The following SNTG2 variants were observed in gnomAD, a reference collection of about 807,000 sequenced individuals.
The protein encoded by SNTG2 is syntrophin gamma 2.
SNTG2 carries 74 observed loss-of-function variants against 70.9 expected under a neutral mutation model. The ratio of observed to expected loss-of-function variants is 1.04; its 90% CI spans 0.86 to 1.27. The LOEUF (loss-of-function observed/expected upper bound fraction) is 1.27. Ranked by LOEUF, SNTG2 falls within the 50% of genes most tolerant of loss-of-function variation. SNTG2 has a pLI of 0.00. For missense variants in SNTG2, 717 were observed against 690.7 expected (o/e 1.04, Z -0.43); for synonymous variants, 278 against 273.8 (o/e 1.02, Z -0.15).
At chr2:1,075,782 T>A (rs1230117170) in intron 1 of SNTG2, among the ~76,000 whole-genome samples, 1 of 152,232 alleles carries the variant, frequency 6.6e-6, no homozygotes, top group African/African-American at 2.4e-5. Context: ...AAAAAATGGT[T>A]TCATTTGTAC....
At chr2:1,191,693 G>A (rs1262361383) in intron 8 of SNTG2, among the ~76,000 whole-genome samples, 1 of 152,132 alleles carries the variant, frequency 6.6e-6, no homozygotes, top group East Asian at 1.9e-4. Flanking sequence ...TACTTGGGAG[G>A]CTGAGGCAGG....
At chr2:953,036 T>C (rs1057165973) in intron 1 of SNTG2, among the ~76,000 whole-genome samples, 6 of 152,268 alleles carry the variant, frequency 3.9e-5, no homozygotes, top group African/African-American at 9.6e-5. Context: ...TTTCTAGTTA[T>C]ATTTTTTCTA....
chr2:1,200,769 C>T (rs1329858780), intron 8 of SNTG2, among the ~76,000 whole-genome samples: 1 of 151,374 alleles, frequency 6.6e-6, no homozygotes, highest in Non-Finnish European at 1.5e-5. Flanking sequence ...AACAAATGGC[C>T]AACGAACAGA....
intron 9 of SNTG2, among the ~76,000 whole-genome samples, chr2:1,214,945 G>A (rs1178397231): frequency 6.6e-6 from 1 of 152,124 alleles, no homozygotes; most frequent in Non-Finnish European, 1.5e-5. Flanking sequence ...GATGATGAAA[G>A]GATAATGAAT....
intron 16 of SNTG2, among the ~76,000 whole-genome samples, chr2:1,348,631 A>T (rs1660422583): frequency 6.6e-6 from 1 of 152,166 alleles, no homozygotes; most frequent in African/African-American, 2.4e-5. Flanking sequence ...TATTTCTTAA[A>T]TGTATTTGAT....
chr2:1,151,755 C>T (rs755333861), intron 6 of SNTG2, among the ~76,000 whole-genome samples: 2 of 152,288 alleles, frequency 1.3e-5, no homozygotes, highest in African/African-American at 2.4e-5. Flanking sequence ...AACCTGGTGA[C>T]GATGCAGATG....
intron 7 of SNTG2, among the ~76,000 whole-genome samples, chr2:1,171,110 A>G (rs1336748769): frequency 6.6e-6 from 1 of 152,210 alleles, no homozygotes; most frequent in Non-Finnish European, 1.5e-5. Flanking sequence ...AAATAAACTA[A>G]GTCTATTTTT....
chr2:1,172,388 G>A (rs1336114067), intron 7 of SNTG2, among the ~76,000 whole-genome samples: 1 of 152,164 alleles, frequency 6.6e-6, no homozygotes, highest in Admixed American at 6.5e-5. Context: ...AAAACACTAA[G>A]CCACATGGGA....
At chr2:1,151,691 T>C (rs1196047151) in intron 6 of SNTG2, among the ~76,000 whole-genome samples, 4 of 152,222 alleles carry the variant, frequency 2.6e-5, no homozygotes, top group Non-Finnish European at 4.4e-5. Context: ...CTGGATTTGC[T>C]GCGCGCCCTT....
chr2:1,114,619 C>A (rs999083821), intron 4 of SNTG2, among the ~76,000 whole-genome samples: 3 of 151,302 alleles, frequency 2.0e-5, no homozygotes, highest in Non-Finnish European at 4.4e-5. Flanking sequence ...TGAGGTTTAA[C>A]CCTTACAGTC....
chr2:1,287,358 C>A (rs1679806109), intron 14 of SNTG2, among the ~76,000 whole-genome samples: 3 of 152,214 alleles, frequency 2.0e-5, no homozygotes, highest in Admixed American at 1.3e-4. Flanking sequence ...TCTGAGCCAA[C>A]CTCGAGTGAA....
intron 4 of SNTG2, among the ~76,000 whole-genome samples, chr2:1,113,195 A>G (rs370712176): frequency 0.029 from 1,488 of 51,032 alleles, 16 homozygotes; most frequent in African/African-American, 0.041. Context: ...GTCCTTTGAG[A>G]AGGATCGTGT....
At chr2:1,148,048 G>A (rs1669214503) in intron 6 of SNTG2, among the ~76,000 whole-genome samples, 1 of 152,194 alleles carries the variant, frequency 6.6e-6, no homozygotes, top group Non-Finnish European at 1.5e-5. Flanking sequence ...GAATGAGCTG[G>A]TGGTTGCATT....
intron 16 of SNTG2, among the ~76,000 whole-genome samples, chr2:1,360,851 G>C (rs1477494874): frequency 6.6e-6 from 1 of 152,172 alleles, no homozygotes; most frequent in Non-Finnish European, 1.5e-5. Context: ...GTGTCTGCTT[G>C]GCCTACCATT....
In SNTG2 at chr2:1,287,917, C is replaced by T. The variant is rs570967431; in HGVS notation, c.1284+20346C>T. Among the ~76,000 whole-genome samples the T allele has an allele frequency of 1.4e-4, 21 of 152,338 alleles. No individual in the cohort carries two copies. In the South Asian group the frequency reaches 1.4e-3, roughly 11 times the overall value. ...GACCCGAGAATGACCACCTCACTCACGCATTCCACACAGCATCGTGATGGA... is the reference window on the plus strand; with the variant it reads ...GACCCGAGAATGACCACCTCACTCATGCATTCCACACAGCATCGTGATGGA... On this transcript the variant is annotated intron_variant, in intron 14 of 16. Coordinates refer to ENST00000308624, the MANE Select transcript of SNTG2 (RefSeq NM_018968.4).
Position 1,197,368 on chromosome 2 carries a change from G to A in SNTG2, c.592-11735G>A, listed in dbSNP as rs562364317. On this transcript the variant is annotated intron_variant, in intron 8 of 16. Transcript: ENST00000308624. ...GACTTTAAGTCAAAAACAAAAAAAA[G>A]ACACAAAGAAGATCTTTATAAAATG... Among the ~76,000 whole-genome samples, 221 of 149,332 alleles carry A rather than the reference G, an allele frequency of 1.5e-3. 2 individuals carry two copies. Among genetic ancestry groups the A allele is most frequent in the African/African-American group, 4.4e-3 (178 of 40,420 alleles).
At position 992,706 on chromosome 2, in the gene SNTG2, A is replaced by G. The variant is rs74353588; in HGVS notation, c.72+41638A>G. 2.1e-3 allele frequency among the ~76,000 whole-genome samples: 314 copies of G among 152,308 alleles called. 2 individuals carry two copies. The highest frequency in any genetic ancestry group is 7.1e-3 in the African/African-American group (294 of 41,558). ...TGCAGGGAGTCATTTTATGACAATT[A>G]AGTTCATGTTGAAAAGCAGCTGCCA... On this transcript the variant is annotated intron_variant, in intron 1 of 16. Coordinates refer to ENST00000308624, the MANE Select transcript of SNTG2 (RefSeq NM_018968.4).
chr2:1,138,043 C>T (rs1018351547), intron 6 of SNTG2, among the ~76,000 whole-genome samples: 2 of 152,186 alleles, frequency 1.3e-5, no homozygotes, highest in African/African-American at 2.4e-5. Context: ...TCCTCACAAA[C>T]GCTGTAAAAT....
Position 1,247,430 on chromosome 2 carries a change from T to TA in SNTG2, c.992_993insA (p.Phe331LeufsTer22). 6.2e-7 allele frequency: 1 copy of TA among 1,612,442 alleles called. No homozygotes were observed. The highest frequency in any genetic ancestry group is 2.2e-5 in the East Asian group (1 of 44,876). Reference sequence around the variant, plus strand: ...CTGAAGGGCCCGTCCTTCTACGTTTTCAGCACTCCTCCGGTAAGGATGCTT... The same window carrying TA: ...CTGAAGGGCCCGTCCTTCTACGTTTTACAGCACTCCTCCGGTAAGGATGCTT... On this transcript the variant is annotated frameshift_variant, in exon 12 of 17. Coordinates refer to ENST00000308624, the MANE Select transcript of SNTG2 (RefSeq NM_018968.4). LOFTEE classifies it high-confidence loss of function.
Sources: gnomAD v4.1 joint callset for allele counts (sites outside exome capture counted in the v4.1 genomes callset) on GRCh38, gnomAD v4.1.1 for gene constraint, MANE v1.5 for transcripts, NCBI Gene and HGNC (gene_info 2026-07-23, HGNC 2026-07-21) for gene names.